Variants in DCC observed in about 807,000 individuals in gnomAD.
DCC encodes the protein DCC netrin 1 receptor.
A neutral mutation model predicts 172.5 loss-of-function variants in DCC; 58 were observed. The observed-to-expected ratio is 0.34, with a 90% confidence interval of 0.27 to 0.42. The LOEUF is 0.42. Among genes scored for constraint, DCC ranks in the 10% least tolerant of loss-of-function variants. DCC has a pLI of 1.00. For synonymous variants in DCC, 709 were observed against 644.5 expected (o/e 1.10, Z -1.52); for missense variants, 1,740 against 1,791.0 (o/e 0.97, Z 0.51).
chr18:53,456,569 A>G (rs550147807), intron 23 of DCC, among the ~76,000 whole-genome samples: 1 of 152,190 alleles, frequency 6.6e-6, no homozygotes, highest in Non-Finnish European at 1.5e-5. Flanking sequence ...GTGCTTCTTA[A>G]ATTTTAGACA....
chr18:53,179,274 A>T (rs2055157883), intron 9 of DCC, among the ~76,000 whole-genome samples, 158 bp downstream of exon 9: 1 of 152,240 alleles, frequency 6.6e-6, no homozygotes, highest in African/African-American at 2.4e-5. Context: ...TTAAAAGATA[A>T]CTTGTAAATA....
intron 2 of DCC, among the ~76,000 whole-genome samples, chr18:52,798,536 G>C (rs2037921375): frequency 6.6e-6 from 1 of 151,480 alleles, no homozygotes; most frequent in Non-Finnish European, 1.5e-5. Context: ...ACAATTAGAG[G>C]TGTTTTTCTT....
chr18:53,034,965 C>T (rs2042073466), intron 5 of DCC, among the ~76,000 whole-genome samples: 1 of 152,122 alleles, frequency 6.6e-6, no homozygotes, highest in Non-Finnish European at 1.5e-5. Context: ...TCCCACTTTC[C>T]TACACAATTC....
At chr18:53,052,979 C>T (rs1300326207) in intron 5 of DCC, among the ~76,000 whole-genome samples, 1 of 151,948 alleles carries the variant, frequency 6.6e-6, no homozygotes, top group Non-Finnish European at 1.5e-5. Context: ...CGTGTCTCCA[C>T]TAAAAATACA....
intron 27 of DCC, among the ~76,000 whole-genome samples, chr18:53,503,934 A>G (rs1235513621): frequency 2.0e-5 from 3 of 152,234 alleles, no homozygotes; most frequent in Admixed American, 6.5e-5. Context: ...AGGGATCAAT[A>G]TGTCAGTGGA....
At chr18:52,382,014 T>C (rs1192040626) in intron 1 of DCC, among the ~76,000 whole-genome samples, 4 of 152,074 alleles carry the variant, frequency 2.6e-5, no homozygotes, top group African/African-American at 9.7e-5. Flanking sequence ...CCTTAAGGAG[T>C]CACATATCTT....
intron 2 of DCC, among the ~76,000 whole-genome samples, chr18:52,821,922 A>G (rs999159675): frequency 1.3e-5 from 2 of 152,202 alleles, no homozygotes; most frequent in Non-Finnish European, 2.9e-5. Context: ...ACATGAAGTT[A>G]TAAACACAAA....
chr18:52,833,690 A>G (rs796582544), intron 2 of DCC, among the ~76,000 whole-genome samples: 4 of 152,178 alleles, frequency 2.6e-5, no homozygotes, highest in African/African-American at 9.6e-5. Context: ...ATGAGGTGAA[A>G]TGGACTTCAA....
chr18:52,454,048 C>G (rs1010307792), intron 1 of DCC, among the ~76,000 whole-genome samples: 38 of 152,128 alleles, frequency 2.5e-4, no homozygotes, highest in Non-Finnish European at 2.2e-4. Context: ...ATGCTTCAAA[C>G]GTGATATACC....
At chr18:53,235,546 GAA>G (rs773218046) in intron 12 of DCC, among the ~76,000 whole-genome samples, 7 of 152,052 alleles carry the variant, frequency 4.6e-5, no homozygotes, top group Non-Finnish European at 1.0e-4. Context: ...AGTTAGAGCA[GAA>G]AAAAATTATG....
At chr18:52,697,285 T>C (rs137944734) in intron 1 of DCC, among the ~76,000 whole-genome samples, 18 of 152,160 alleles carry the variant, frequency 1.2e-4, no homozygotes, top group Admixed American at 3.9e-4. Flanking sequence ...TACACACACA[T>C]GCAATGTGGA....
intron 2 of DCC, among the ~76,000 whole-genome samples, chr18:52,812,740 G>T (rs192711936): frequency 2.6e-5 from 4 of 152,316 alleles, no homozygotes; most frequent in Non-Finnish European, 1.5e-5. Context: ...GGGGGTCTGG[G>T]TTTCGGCTGT....
intron 25 of DCC, among the ~76,000 whole-genome samples, chr18:53,471,835 CT>C (rs1465661491): frequency 6.6e-6 from 1 of 152,138 alleles, no homozygotes; most frequent in African/African-American, 2.4e-5. Flanking sequence ...TCACTCTCTA[CT>C]TCTCTATTAT....
chr18:53,273,552 C>A (rs2056772317), intron 12 of DCC, among the ~76,000 whole-genome samples: 1 of 152,096 alleles, frequency 6.6e-6, no homozygotes, highest in African/African-American at 2.4e-5. Context: ...ATTTGATACT[C>A]AGTTCCACTT....
chr18:52,541,036 A>G (rs1287619347), intron 1 of DCC, among the ~76,000 whole-genome samples: 1 of 152,200 alleles, frequency 6.6e-6, no homozygotes. Flanking sequence ...GTCTTCTCAA[A>G]GTCATGGTCC....
chr18:53,226,948 A>ATATATATATATATATATTTTTTTTTTTT, intron 12 of DCC, among the ~76,000 whole-genome samples: 15 of 52,932 alleles, frequency 2.8e-4, no homozygotes, highest in Non-Finnish European at 4.8e-4. Flanking sequence ...ATATATATAT[A>ATATATATATATATATATTTTTTTTTTTT]TTTTTTTTTT....
intron 5 of DCC, among the ~76,000 whole-genome samples, chr18:53,062,974 C>CT (rs1419605400): frequency 6.6e-6 from 1 of 151,992 alleles, no homozygotes; most frequent in African/African-American, 2.4e-5. Flanking sequence ...TTTCCAAAGA[C>CT]TTATGTACTT....
At chr18:53,321,953 T>A in intron 13 of DCC, 94 bp from the exon 14 acceptor site, 1 of 781,398 alleles carries the variant, frequency 1.3e-6, no homozygotes, top group Non-Finnish European at 2.4e-6. Flanking sequence ...GCATGTCCAC[T>A]ATTGTTACAA....
At chr18:53,261,917 C>T (rs1269142272) in intron 12 of DCC, among the ~76,000 whole-genome samples, 4 of 152,116 alleles carry the variant, frequency 2.6e-5, no homozygotes, top group Non-Finnish European at 5.9e-5. Context: ...CACCTGGGAA[C>T]GTTTCTCAGA....
Sources: allele counts gnomAD v4.1 joint callset (sites outside exome capture counted in the v4.1 genomes callset), GRCh38; gene constraint gnomAD v4.1.1; transcripts MANE v1.5; gene names NCBI Gene and HGNC (gene_info 2026-07-23, HGNC 2026-07-21).